Variants in FSIP2 observed in about 807,000 individuals in gnomAD.
The protein encoded by FSIP2 is fibrous sheath interacting protein 2, also known as fibrous sheath-interacting protein 2.
Under a neutral mutation model 510.5 loss-of-function variants are expected in FSIP2, and 367 were observed. That is an observed-to-expected ratio of 0.72 (90% CI 0.66 to 0.78). The LOEUF is 0.78. Among genes scored for constraint, FSIP2 ranks in the 30% least tolerant of loss-of-function variants. The probability of loss-of-function intolerance (pLI) is 0.00; values close to 1 mark genes in which losing one functional copy is unlikely to be tolerated. For synonymous variants in FSIP2, 2,601 were observed against 2,732.2 expected (o/e 0.95, Z 1.50); for missense variants, 7,594 against 7,901.7 (o/e 0.96, Z 1.48).
Position 185,738,878 on chromosome 2 carries a change from AG to A in FSIP2, c.-12del, listed in dbSNP as rs35617283. The stretch of plus-strand genomic sequence containing the variant: ...AGCGGGGCGGGTGAGGAAGGGGCTG[AG>A]GGGGCTGTGCCGGCCATGGAGCTGT... On this transcript the variant is annotated 5_prime_UTR_variant, in exon 1 of 23. Transcript: ENST00000424728. The A allele has an allele frequency of 1.3e-6, 2 of 1,535,238 alleles. No individual in the cohort carries two copies. The highest frequency in any genetic ancestry group is 1.7e-6 in the Non-Finnish European group (2 of 1,146,678).
In FSIP2 at chr2:185,794,732, A is replaced by T; in HGVS notation, c.7596A>T (p.Gln2532His). The T allele has an allele frequency of 6.5e-7, 1 of 1,534,190 alleles. No homozygotes were observed. The highest frequency in any genetic ancestry group is 8.7e-7 in the Non-Finnish European group (1 of 1,145,586). The change falls in exon 16 of 23, where the codon CAA (glutamine) becomes CAT (histidine). Residue 2532 changes from glutamine to histidine, a missense_variant. Gln to His is a conservative substitution (Grantham distance 24). Coordinates refer to ENST00000424728, the MANE Select transcript of FSIP2 (RefSeq NM_173651.4). ...ACACAACACAGAAAAACAGTTTTCA[A>T]TCACATATTAACAGTGTAGCAAATG... ...TSDTTQKNSF[Q>H]SHINSVANDI...
At chr2:185,737,517 T>C (rs1053934665), upstream of FSIP2, among the ~76,000 whole-genome samples, 2 of 152,134 alleles carry the variant, frequency 1.3e-5, no homozygotes, top group African/African-American at 4.8e-5. Flanking sequence ...TAGGAGTAGA[T>C]AGAATCGGGC....
At position 185,794,387 on chromosome 2, in the gene FSIP2, T is replaced by C; in HGVS notation, c.7251T>C (p.Ser2417=). 1 of 1,519,540 alleles carries C rather than the reference T, an allele frequency of 6.6e-7. No homozygotes were observed. The allele number at this position is 1,519,540 out of a possible 1,614,324, so 94.1% of individuals were successfully genotyped here. The stretch of plus-strand genomic sequence containing the variant: ...TTTGTTTTAATTCAAAAGAAAATTC[T>C]AACTTTTCACAATTAGCTTTATCAA... ...KEICFNSKEN[S]NFSQLALSNE... Residue 2417 remains serine (S), a synonymous_variant, in exon 16 of 23, where the codon TCT becomes TCC. Coordinates refer to ENST00000424728, the MANE Select transcript of FSIP2 (RefSeq NM_173651.4).
At chr2:185,739,817 G>A (rs1691886057) in intron 2 of FSIP2, among the ~76,000 whole-genome samples, 1 of 152,054 alleles carries the variant, frequency 6.6e-6, no homozygotes, top group Non-Finnish European at 1.5e-5. Context: ...AGTGATAGCT[G>A]CCATTTAATG....
intron 21 of FSIP2, among the ~76,000 whole-genome samples, chr2:185,829,628 C>A (rs1261214281): frequency 6.6e-6 from 1 of 151,976 alleles, no homozygotes; most frequent in African/African-American, 2.4e-5. Flanking sequence ...CATGAAGCTG[C>A]ATGGCAGTAG....
intron 17 of FSIP2, among the ~76,000 whole-genome samples, chr2:185,813,122 A>G (rs1693768416): frequency 6.6e-6 from 1 of 152,074 alleles, no homozygotes; most frequent in Non-Finnish European, 1.5e-5. Context: ...TACTTTTGAA[A>G]ATCAAGATCA....
intron 19 of FSIP2, among the ~76,000 whole-genome samples, chr2:185,821,497 T>C (rs573907747): frequency 6.6e-6 from 1 of 152,024 alleles, no homozygotes; most frequent in South Asian, 2.1e-4. Context: ...CAGAACAATA[T>C]TACTGATGAA....
chr2:185,769,439 G>C (rs1692563441), intron 13 of FSIP2, among the ~76,000 whole-genome samples: 1 of 152,106 alleles, frequency 6.6e-6, no homozygotes, highest in East Asian at 1.9e-4. Context: ...ATTTTGAAAA[G>C]TGTCTGTTCA....
In FSIP2 at chr2:185,744,417, T is replaced by C. The variant is rs1175682017; in HGVS notation, c.477+6T>C. The C allele has an allele frequency of 2.6e-6, 2 of 769,732 alleles. No individual in the cohort carries two copies. Among genetic ancestry groups the C allele is most frequent in the Non-Finnish European group, 3.7e-6 (2 of 536,504 alleles). 47.7% of individuals were successfully genotyped at this position (769,732 alleles called of 1,614,324 possible). On this transcript the variant is annotated splice_donor_region_variant and intron_variant, in intron 4 of 22. Coordinates refer to ENST00000424728, the MANE Select transcript of FSIP2 (RefSeq NM_173651.4). ...GAAACTATATAAAAGAACAAGTAAG[T>C]TAAATACTTAAATTTGGTTTATTTA...
chr2:185,821,718 A>G (rs974917218), intron 19 of FSIP2, among the ~76,000 whole-genome samples: 10 of 151,530 alleles, frequency 6.6e-5, no homozygotes, highest in African/African-American at 2.4e-4. Context: ...AAGCCCGACA[A>G]TTTGAGACCA....
intron 13 of FSIP2, among the ~76,000 whole-genome samples, chr2:185,770,281 C>T (rs1692580034): frequency 6.6e-6 from 1 of 152,088 alleles, no homozygotes. Flanking sequence ...GTGCAGAGAT[C>T]TTGAACCTCC....
chr2:185,774,890 G>GTCCC (rs1409511495), intron 13 of FSIP2, among the ~76,000 whole-genome samples: 1 of 66,928 alleles, frequency 1.5e-5, no homozygotes, highest in Non-Finnish European at 3.1e-5. Context: ...TTTCATCCAT[G>GTCCC]TCCCTACAAA....
chr2:185,799,949 G>A lies in FSIP2; in HGVS notation c.10643G>A (p.Ser3548Asn), dbSNP rs753198843. 1.2e-5 allele frequency: 19 copies of A among 1,531,938 alleles called. No homozygotes were observed. The highest frequency in any genetic ancestry group is 1.7e-5 in the Non-Finnish European group (19 of 1,143,928). 94.9% of individuals were successfully genotyped at this position (1,531,938 alleles called of 1,614,324 possible). A position where few individuals can be genotyped will look rare whatever the true frequency, so the allele number is the denominator to read the frequency against. ...TCAATTCATTCTCAAGTGTTTGAGA[G>A]CAGGTCAATTTCCATTGGAGAACTT... ...IISIHSQVFE[S>N]RSISIGELAL... Residue 3548 changes from serine to asparagine, a missense_variant, in exon 17 of 23, where the codon AGC (serine) becomes AAC (asparagine). Ser to Asn is a conservative substitution (Grantham distance 46). Coordinates refer to ENST00000424728, the MANE Select transcript of FSIP2 (RefSeq NM_173651.4).
At chr2:185,758,671 G>A (rs1489233369) in intron 9 of FSIP2, among the ~76,000 whole-genome samples, 1 of 150,916 alleles carries the variant, frequency 6.6e-6, no homozygotes, top group African/African-American at 2.4e-5. Context: ...TAACCCTAGT[G>A]GTCTTTGATA....
Position 185,808,166 on chromosome 2 carries a change from T to G in FSIP2, c.18860T>G (p.Phe6287Cys). Residue 6287 changes from phenylalanine to cysteine, a missense_variant, in exon 17 of 23, where the codon TTT becomes TGT. Phe to Cys is a radical substitution (Grantham distance 205). Transcript: ENST00000424728. ...KSNVLSDTIGFLMVNAISNSE... is the reference protein window; with the variant it reads ...KSNVLSDTIGCLMVNAISNSE... ...AATGTCCTCTCTGATACAATAGGCT[T>G]TTTAATGGTGAATGCAATTTCGAAT... 1 of 1,611,658 alleles carries G rather than the reference T, an allele frequency of 6.2e-7. No homozygotes were observed. Among genetic ancestry groups the G allele is most frequent in the African/African-American group, 1.3e-5 (1 of 74,902 alleles).
At chr2:185,771,211 G>C (rs889575348) in intron 13 of FSIP2, among the ~76,000 whole-genome samples, 1 of 152,198 alleles carries the variant, frequency 6.6e-6, no homozygotes, top group African/African-American at 2.4e-5. Context: ...GGGATCTGGA[G>C]TGCATTGGTC....
chr2:185,824,538 T>C (rs1449382863), intron 20 of FSIP2, 58 bp downstream of exon 20: 5 of 1,010,264 alleles, frequency 4.9e-6, no homozygotes, highest in Non-Finnish European at 7.5e-6. Context: ...TGTGTTTTTT[T>C]TTTAGTTATC....
chr2:185,810,726 C>G (rs563246559), intron 17 of FSIP2, among the ~76,000 whole-genome samples: 1 of 151,636 alleles, frequency 6.6e-6, no homozygotes, highest in Admixed American at 6.6e-5. Flanking sequence ...GACAGAGCCT[C>G]TTTTTTGTGG....
chr2:185,820,609 T>C (rs1174467777), intron 19 of FSIP2, among the ~76,000 whole-genome samples: 1 of 151,678 alleles, frequency 6.6e-6, no homozygotes, highest in East Asian at 1.9e-4. Flanking sequence ...TAATAAATTT[T>C]AAAAGTCTGA....
Sources: allele counts gnomAD v4.1 joint callset (sites outside exome capture counted in the v4.1 genomes callset), GRCh38; gene constraint gnomAD v4.1.1; transcripts MANE v1.5; gene names NCBI Gene and HGNC (gene_info 2026-07-23, HGNC 2026-07-21).